GCNT3: variants seen among roughly 807,000 people sequenced by gnomAD.
GCNT3 encodes beta-1,3-galactosyl-O-glycosyl-glycoprotein beta-1,6-N-acetylglucosaminyltransferase 3.
For missense variants in GCNT3, 708 were observed against 530.3 expected (o/e 1.34, Z -3.29); for synonymous variants, 269 against 195.2 (o/e 1.38, Z -3.15).
chr15:59,619,695 G>T lies in GCNT3; in HGVS notation c.*140G>T. ...AGGATAAGAGGGCTGCTATTAGAGTGTGGGTAAGTAGATCTTTTGCCTTGC... is the reference window on the plus strand; with the variant it reads ...AGGATAAGAGGGCTGCTATTAGAGTTTGGGTAAGTAGATCTTTTGCCTTGC... On this transcript the variant is annotated 3_prime_UTR_variant, in exon 3 of 3. Transcript: ENST00000396065. 1 of 667,704 alleles carries T rather than the reference G, an allele frequency of 1.5e-6. No homozygotes were observed. Among genetic ancestry groups the T allele is most frequent in the Non-Finnish European group, 2.7e-6 (1 of 366,836 alleles). 41.4% of individuals were successfully genotyped at this position (667,704 alleles called of 1,614,324 possible). A position where few individuals can be genotyped will look rare whatever the true frequency, so the allele number is the denominator to read the frequency against.
chr15:59,612,596 G>A (rs1355969259), intron 1 of GCNT3, among the ~76,000 whole-genome samples: 1 of 152,128 alleles, frequency 6.6e-6, no homozygotes, highest in Non-Finnish European at 1.5e-5. Context: ...TTCAGTTTTT[G>A]CCTTGAAATG....
At position 59,621,586 on chromosome 15, in the gene GCNT3, A is replaced by ATTTTCTTTTTTTTTTTTTTT. The variant is rs755669449; in HGVS notation, c.*2035_*2036insCTTTTTTTTTTTTTTTTTTT. 1.1e-5 allele frequency: 1 copy of ATTTTCTTTTTTTTTTTTTTT among 90,846 alleles called. No homozygotes were observed. 5.6% of individuals were successfully genotyped at this position (90,846 alleles called of 1,614,324 possible). On this transcript the variant is annotated 3_prime_UTR_variant, in exon 3 of 3. Coordinates refer to ENST00000396065, the MANE Select transcript of GCNT3 (RefSeq NM_004751.3). The stretch of plus-strand genomic sequence containing the variant: ...TCATTAATATGTTTCTTCCTTTCTG[A>ATTTTCTTTTTTTTTTTTTTT]TTTTTGTTTTTTTTTTTTTTTTTGA...
intron 1 of GCNT3, among the ~76,000 whole-genome samples, chr15:59,613,052 T>G (rs1595654300): frequency 6.6e-6 from 1 of 151,472 alleles, no homozygotes; most frequent in Non-Finnish European, 1.5e-5. Flanking sequence ...TATTTCATGA[T>G]AACCTTCACT....
In GCNT3 at chr15:59,619,570, G is replaced by T; in HGVS notation, c.*15G>T. 6.7e-7 allele frequency: 1 copy of T among 1,481,492 alleles called. No individual in the cohort carries two copies. Among genetic ancestry groups the T allele is most frequent in the Non-Finnish European group, 9.3e-7 (1 of 1,073,696 alleles). 91.8% of individuals were successfully genotyped at this position (1,481,492 alleles called of 1,614,324 possible). On this transcript the variant is annotated 3_prime_UTR_variant, in exon 3 of 3. Transcript: ENST00000396065. ...CTGAACTTTGAGACACACTATGAGA[G>T]CGTTGCTACCTGTGGGGCAAGAGCA...
chr15:59,615,892 C>A (rs1365429608), intron 1 of GCNT3, among the ~76,000 whole-genome samples: 2 of 152,088 alleles, frequency 1.3e-5, no homozygotes. Flanking sequence ...TTTGTAAAAA[C>A]AACAAAAAAC....
Position 59,618,563 on chromosome 15 carries a change from G to C in GCNT3, c.325G>C (p.Asp109His). Reference sequence around the variant, plus strand: ...CACCCACTACCTCTCCCTCACCAGAGACTGTGAGCACTTCAAGGCTGAAAG... The same window carrying C: ...CACCCACTACCTCTCCCTCACCAGACACTGTGAGCACTTCAAGGCTGAAAG... ...TDTHYLSLTRDCEHFKAERKF... is the reference protein window; with the variant it reads ...TDTHYLSLTRHCEHFKAERKF... The change falls in exon 3 of 3, where the codon GAC becomes CAC. Residue 109 changes from aspartate (D) to histidine (H), a missense_variant. Transcript: ENST00000396065. The C allele has an allele frequency of 6.2e-7, 1 of 1,614,102 alleles. No individual in the cohort carries two copies. Among genetic ancestry groups the C allele is most frequent in the Non-Finnish European group, 8.5e-7 (1 of 1,179,970 alleles).
Position 59,619,794 on chromosome 15 carries a change from T to G in GCNT3, c.*239T>G. 2.5e-6 allele frequency: 1 copy of G among 405,874 alleles called. No homozygotes were observed. Among genetic ancestry groups the G allele is most frequent in the Non-Finnish European group, 4.7e-6 (1 of 213,246 alleles). The allele number at this position is 405,874 out of a possible 1,614,324, so 25.1% of individuals were successfully genotyped here. A position where few individuals can be genotyped will look rare whatever the true frequency, so the allele number is the denominator to read the frequency against. ...GTAGTTCCTCCACTAACTTTCTCAC[T>G]AAGTGAGAATGAGAACTGCTGTGAT... On this transcript the variant is annotated 3_prime_UTR_variant, in exon 3 of 3. Coordinates refer to ENST00000396065, the MANE Select transcript of GCNT3 (RefSeq NM_004751.3).
intron 1 of GCNT3, among the ~76,000 whole-genome samples, chr15:59,613,781 CAGCACTTTGGA>C: frequency 6.6e-6 from 1 of 152,006 alleles, no homozygotes; most frequent in South Asian, 2.1e-4. Context: ...TTTTTAATCC[CAGCACTTTGGA>C]AGCCCAGGAG....
At position 59,618,481 on chromosome 15, in the gene GCNT3, G is replaced by T; in HGVS notation, c.243G>T (p.Val81=). 5.0e-6 allele frequency: 8 copies of T among 1,614,084 alleles called. No homozygotes were observed. Among genetic ancestry groups the T allele is most frequent in the Non-Finnish European group, 6.8e-6 (8 of 1,179,950 alleles). The change falls in exon 3 of 3, where the codon GTG becomes GTT. Residue 81 remains valine, a synonymous_variant. Transcript: ENST00000396065. The part of the protein sequence containing the change: ...SGVTRGDQEA[V]LQAILNNLEV... ...TCACCCGAGGGGACCAAGAGGCAGT[G>T]CTTCAGGCTATTCTGAATAACCTGG...
At chr15:59,616,438 G>A (rs989604086) in intron 1 of GCNT3, 6 of 152,198 alleles carry the variant, frequency 3.9e-5, no homozygotes, top group African/African-American at 1.2e-4. Context: ...AGGGAAAAAG[G>A]CTTTCAAGTT....
At chr15:59,617,165 G>GTTTTTTTTTTTTTTTTTTTTTT (rs2082723241) in intron 2 of GCNT3, among the ~76,000 whole-genome samples, 9 of 60,620 alleles carry the variant, frequency 1.5e-4, no homozygotes, top group Admixed American at 4.6e-4. Context: ...TTTTTCTTTT[G>GTTTTTTTTTTTTTTTTTTTTTT]TTTTCTTTCT....
intron 1 of GCNT3, among the ~76,000 whole-genome samples, chr15:59,614,253 C>T (rs1054832426): frequency 6.6e-6 from 1 of 152,256 alleles, no homozygotes; most frequent in South Asian, 2.1e-4. Context: ...CACTGAGAAT[C>T]CCAGTACCGC....
chr15:59,615,964 G>C (rs1342483299), intron 1 of GCNT3, among the ~76,000 whole-genome samples: 1 of 152,208 alleles, frequency 6.6e-6, no homozygotes, highest in African/African-American at 2.4e-5. Context: ...TGGGGGCCGG[G>C]TTGGGGAGAA....
chr15:59,618,459 C>G lies in GCNT3; in HGVS notation c.221C>G (p.Thr74Ser). ...AGGTCTATCAACTGTTCAGGGGTCA[C>G]CCGAGGGGACCAAGAGGCAGTGCTT... ...AKRSINCSGV[T>S]RGDQEAVLQA... The change falls in exon 3 of 3, where the codon ACC becomes AGC. Residue 74 changes from threonine to serine, a missense_variant. By Grantham distance (58) the Thr-to-Ser change is moderately conservative. Coordinates refer to ENST00000396065, the MANE Select transcript of GCNT3 (RefSeq NM_004751.3). 6.2e-7 allele frequency: 1 copy of G among 1,614,012 alleles called. No individual in the cohort carries two copies. The highest frequency in any genetic ancestry group is 1.3e-5 in the African/African-American group (1 of 75,024).
At chr15:59,615,410 T>G (rs967417598) in intron 1 of GCNT3, among the ~76,000 whole-genome samples, 2 of 152,166 alleles carry the variant, frequency 1.3e-5, no homozygotes, top group African/African-American at 2.4e-5. Flanking sequence ...GCCATGAGTT[T>G]CAGCTTCTTC....
chr15:59,614,835 G>C (rs901020882), intron 1 of GCNT3, among the ~76,000 whole-genome samples: 2 of 152,174 alleles, frequency 1.3e-5, no homozygotes, highest in East Asian at 3.8e-4. Flanking sequence ...ATTCAAGATG[G>C]AGTTGCTCTG....
rs185185260 is a variant in GCNT3 at position 59,612,398 on chromosome 15, C to A, written c.-251+417C>A. ...AAAACTCAGGACTGGGTTGGACTTA[C>A]TTATATTATGTTGCTTTATATTTTG... is the stretch of plus-strand genomic sequence containing the variant. On this transcript the variant is annotated intron_variant, in intron 1 of 2. Coordinates refer to ENST00000396065, the MANE Select transcript of GCNT3 (RefSeq NM_004751.3). Among the ~76,000 whole-genome samples, 14 of 152,240 alleles carry A rather than the reference C, an allele frequency of 9.2e-5. No homozygotes were observed. The South Asian group carries it at 1.7e-3, about 18-fold the overall frequency.
At position 59,619,845 on chromosome 15, in the gene GCNT3, G is replaced by C. The variant is rs2082739463; in HGVS notation, c.*290G>C. 3.8e-6 allele frequency: 1 copy of C among 263,888 alleles called. No individual in the cohort carries two copies. The highest frequency in any genetic ancestry group is 8.8e-5 in the South Asian group (1 of 11,316). 16.3% of individuals were successfully genotyped at this position (263,888 alleles called of 1,614,324 possible). ...AGGGAGAGTGAAGGAGGGATATGTG[G>C]TAGAGCACTTGATTTCAGTTGAATG... On this transcript the variant is annotated 3_prime_UTR_variant, in exon 3 of 3. Transcript: ENST00000396065.
Position 59,622,060 on chromosome 15 carries a change from C to T in GCNT3, c.*2505C>T, listed in dbSNP as rs1466623081. ...AGGTGTGGTGGCTGACGCCTGTAAT[C>T]CCAGCACTTTGGGAGGCCAAGGTAG... On this transcript the variant is annotated 3_prime_UTR_variant, in exon 3 of 3. Coordinates refer to ENST00000396065, the MANE Select transcript of GCNT3 (RefSeq NM_004751.3). 2 of 151,494 alleles carry T rather than the reference C, an allele frequency of 1.3e-5. No individual in the cohort carries two copies. Among genetic ancestry groups the T allele is most frequent in the African/African-American group, 4.9e-5 (2 of 41,206 alleles). The allele number at this position is 151,494 out of a possible 1,614,324, so 9.4% of individuals were successfully genotyped here.
Sources: gnomAD v4.1 joint callset for allele counts (sites outside exome capture counted in the v4.1 genomes callset) on GRCh38, gnomAD v4.1.1 for gene constraint, MANE v1.5 for transcripts, NCBI Gene and HGNC (gene_info 2026-07-23, HGNC 2026-07-21) for gene names.